Variants in ARSG observed in about 807,000 individuals in gnomAD.
ARSG encodes ASG.
A neutral mutation model predicts 50.5 loss-of-function variants in ARSG; 37 were observed. The observed-to-expected ratio is 0.73, with a 90% CI of 0.56 to 0.96. The LOEUF (loss-of-function observed/expected upper bound fraction) is 0.96, where lower values mean the gene tolerates loss of function less well. Among genes scored for constraint, ARSG ranks in the 50% least tolerant of loss-of-function variants. The pLI, the probability that ARSG is intolerant of heterozygous loss-of-function variation, is 0.00. For missense variants in ARSG, 629 were observed against 675.3 expected, an observed-to-expected ratio of 0.93 and a Z score of 0.76; for synonymous variants, 225 against 254.6, an observed-to-expected ratio of 0.88 and a Z score of 1.11.
At chr17:68,345,241 G>T (rs1599808078) in intron 3 of ARSG, among the ~76,000 whole-genome samples, 1 of 152,228 alleles carries the variant, frequency 6.6e-6, no homozygotes, top group African/African-American at 2.4e-5. Context: ...GAAGGCCGAG[G>T]TGGGAGGATC....
In ARSG at chr17:68,377,068, G is replaced by A. The variant is rs143759417; in HGVS notation, c.982+6544G>A. 8.2e-3 allele frequency among the ~76,000 whole-genome samples: 1,251 copies of A among 152,164 alleles called. 17 individuals carry two copies. The highest frequency in any genetic ancestry group is 0.028 in the African/African-American group (1,175 of 41,506). On this transcript the variant is annotated intron_variant, in intron 8 of 11. Coordinates refer to ENST00000621439, the MANE Select transcript of ARSG (RefSeq NM_001267727.2). ...GTAGAGACGGGGTTTCACCATGTCG[G>A]CCAGGCTGGCCTTGAACTCCTGACC...
chr17:68,337,647 C>T (rs981767625), intron 2 of ARSG, among the ~76,000 whole-genome samples: 3 of 152,018 alleles, frequency 2.0e-5, no homozygotes, highest in African/African-American at 4.8e-5. Context: ...GGTGGAGTTT[C>T]GCTCTTGTTG....
chr17:68,317,959 C>T (rs75010824), intron 2 of ARSG, among the ~76,000 whole-genome samples: 37 of 152,100 alleles, frequency 2.4e-4, no homozygotes, highest in Middle Eastern at 3.4e-3. Flanking sequence ...ATTAGCCGGG[C>T]GTGGTGGCGG....
At chr17:68,368,437 TG>T in intron 6 of ARSG, 110 bp from the exon 7 acceptor site, 1 of 958,362 alleles carries the variant, frequency 1.0e-6, no homozygotes, top group Non-Finnish European at 1.6e-6. Context: ...CTTGAGCCCG[TG>T]GGGCAGAAGG....
intron 8 of ARSG, among the ~76,000 whole-genome samples, chr17:68,373,000 T>C (rs2079940063): frequency 6.9e-6 from 1 of 145,848 alleles, no homozygotes; most frequent in Non-Finnish European, 1.5e-5. Context: ...CAAGCGATTC[T>C]CCTACCTCAG....
chr17:68,415,263 G>C (rs1229020049), intron 11 of ARSG, among the ~76,000 whole-genome samples: 1 of 152,028 alleles, frequency 6.6e-6, no homozygotes, highest in Non-Finnish European at 1.5e-5. Flanking sequence ...TTTCCATCTT[G>C]ATTTCATTTT....
Position 68,264,239 on chromosome 17 carries a change from G to T in ARSG, c.-552+4813G>T, listed in dbSNP as rs371230582. Among the ~76,000 whole-genome samples, 25 of 152,258 alleles carry T rather than the reference G, an allele frequency of 1.6e-4. 1 individual carries two copies. In the South Asian group the frequency reaches 3.7e-3, roughly 23 times the overall value. ...CTAAATGTAATAAATACCACCTGGT[G>T]ATTTGAATCTGCGCCACAAGAATGC... On this transcript the variant is annotated intron_variant, in intron 1 of 11. Transcript: ENST00000448504.
At chr17:68,281,426 G>A (rs1555752775) in intron 1 of ARSG, among the ~76,000 whole-genome samples, 1 of 151,800 alleles carries the variant, frequency 6.6e-6, no homozygotes, top group African/African-American at 2.4e-5. Flanking sequence ...AATTAGCTGG[G>A]CGTGGTGGCA....
intron 8 of ARSG, among the ~76,000 whole-genome samples, chr17:68,376,240 AC>A (rs1447655192): frequency 4.1e-5 from 6 of 144,670 alleles, no homozygotes; most frequent in African/African-American, 1.6e-4. Flanking sequence ...TCTCCTGAGT[AC>A]CTTGGACTAC....
chr17:68,412,999 G>C (rs1454188156), intron 11 of ARSG, among the ~76,000 whole-genome samples: 3 of 150,950 alleles, frequency 2.0e-5, no homozygotes, highest in Admixed American at 6.6e-5. Context: ...TCTCTGTATT[G>C]GTTATTCTAG....
chr17:68,323,085 A>T (rs2077359464), intron 2 of ARSG, among the ~76,000 whole-genome samples: 1 of 152,036 alleles, frequency 6.6e-6, no homozygotes, highest in Non-Finnish European at 1.5e-5. Flanking sequence ...ATTGGAAGAC[A>T]TGGAGGGTCT....
chr17:68,312,092 G>A (rs1428938623), intron 2 of ARSG, among the ~76,000 whole-genome samples: 3 of 151,994 alleles, frequency 2.0e-5, no homozygotes, highest in East Asian at 1.9e-4. Context: ...GAGCCACCAC[G>A]CCTGGCCTGT....
the ARSG span, among the ~76,000 whole-genome samples, chr17:68,443,267 T>A: frequency 6.6e-6 from 1 of 152,234 alleles, no homozygotes; most frequent in South Asian, 2.1e-4. Context: ...CTCGCCACCA[T>A]GCTCAGCTAA....
intron 7 of ARSG, among the ~76,000 whole-genome samples, chr17:68,370,165 C>T (rs2079758545): frequency 6.6e-6 from 1 of 152,078 alleles, no homozygotes; most frequent in Non-Finnish European, 1.5e-5. Context: ...TAGGTGCCCA[C>T]CACCATGCCC....
At chr17:68,385,924 C>T (rs2080701822) in intron 9 of ARSG, among the ~76,000 whole-genome samples, 1 of 152,092 alleles carries the variant, frequency 6.6e-6, no homozygotes, top group African/African-American at 2.4e-5. Flanking sequence ...AGAAAGGTGG[C>T]CCCTCCAGGC....
chr17:68,265,323 G>C (rs1555746129), intron 1 of ARSG, among the ~76,000 whole-genome samples: 1 of 151,630 alleles, frequency 6.6e-6, no homozygotes, highest in Non-Finnish European at 1.5e-5. Context: ...GCAAAATCCT[G>C]TCTCCACTAA....
At chr17:68,434,468 ACT>A in the ARSG span, 78 of 1,370,142 alleles carry the variant, frequency 5.7e-5, no homozygotes, top group Non-Finnish European at 7.6e-5. Flanking sequence ...GCACAGAGCC[ACT>A]CTCTGTCCTC....
At chr17:68,273,380 G>A (rs369900741) in intron 1 of ARSG, among the ~76,000 whole-genome samples, 20 of 151,988 alleles carry the variant, frequency 1.3e-4, no homozygotes, top group Middle Eastern at 3.4e-3. Flanking sequence ...GCACCACCAC[G>A]CTTGGCTAGT....
intron 2 of ARSG, among the ~76,000 whole-genome samples, chr17:68,316,167 G>C (rs893531395): frequency 6.6e-6 from 1 of 151,990 alleles, no homozygotes; most frequent in Non-Finnish European, 1.5e-5. Flanking sequence ...CCTCTTATTG[G>C]CGAGGTCTCT....
Sources: gnomAD v4.1 joint callset for allele counts (sites outside exome capture counted in the v4.1 genomes callset) on GRCh38, gnomAD v4.1.1 for gene constraint, MANE v1.5 for transcripts, NCBI Gene and HGNC (gene_info 2026-07-23, HGNC 2026-07-21) for gene names.